Variants in SGCZ observed in about 807,000 individuals in gnomAD.
SGCZ encodes zeta-sarcoglycan.
In SGCZ, 40 loss-of-function variants were observed where a neutral mutation model predicts 41.3. The observed-to-expected ratio is 0.97, with a 90% confidence interval of 0.75 to 1.26. The LOEUF (loss-of-function observed/expected upper bound fraction) is 1.26. Among genes scored for constraint, SGCZ ranks in the 50% most tolerant of loss-of-function variants. The pLI, the probability that SGCZ is intolerant of heterozygous loss-of-function variation, is 0.00. For missense variants in SGCZ, 552 were observed against 369.8 expected (o/e 1.49, Z -4.04); for synonymous variants, 206 against 137.5 (o/e 1.50, Z -3.49).
chr8:14,727,791 A>G (rs571196081), intron 1 of SGCZ, among the ~76,000 whole-genome samples: 2 of 152,018 alleles, frequency 1.3e-5, no homozygotes, highest in African/African-American at 4.8e-5. Context: ...GGCGTGAGCC[A>G]CCGCGCCCAG....
chr8:14,206,505 G>A (rs1716310287), intron 4 of SGCZ, among the ~76,000 whole-genome samples: 1 of 152,046 alleles, frequency 6.6e-6, no homozygotes, highest in Non-Finnish European at 1.5e-5. Flanking sequence ...CTGCCAACAA[G>A]GAGAGTTATA....
rs532094663 is a variant in SGCZ at position 15,096,313 on chromosome 8, C to A, written c.39+141272G>T. On this transcript the variant is annotated intron_variant, in intron 1 of 7. Coordinates refer to ENST00000382080, the MANE Select transcript of SGCZ (RefSeq NM_139167.4). ...ATATTGGCCAGGCTGGTCTTGAACT[C>A]CTGACCTCAAGTGATCCACCTGCCT... 8.6e-5 allele frequency among the ~76,000 whole-genome samples: 13 copies of A among 151,828 alleles called. No individual in the cohort carries two copies. In the South Asian group the frequency reaches 2.5e-3, roughly 29 times the overall value.
chr8:14,488,386 T>A (rs758942707), intron 2 of SGCZ, among the ~76,000 whole-genome samples: 3 of 137,060 alleles, frequency 2.2e-5, no homozygotes, highest in Non-Finnish European at 3.2e-5. Context: ...GAGACCACAA[T>A]GGCCTTAACT....
chr8:14,647,781 G>A (rs1337166001), intron 1 of SGCZ, among the ~76,000 whole-genome samples: 1 of 151,952 alleles, frequency 6.6e-6, no homozygotes, highest in Non-Finnish European at 1.5e-5. Flanking sequence ...TCCTGTGTGG[G>A]CAATGACATC....
At chr8:15,186,968 T>A (rs1800367981) in intron 1 of SGCZ, among the ~76,000 whole-genome samples, 1 of 152,164 alleles carries the variant, frequency 6.6e-6, no homozygotes, top group Admixed American at 6.5e-5. Flanking sequence ...TAATGTCAGT[T>A]GAGAGGAGAC....
At chr8:15,122,729 TA>T (rs995535247) in intron 1 of SGCZ, among the ~76,000 whole-genome samples, 1 of 152,136 alleles carries the variant, frequency 6.6e-6, no homozygotes, top group Non-Finnish European at 1.5e-5. Flanking sequence ...TTTATACTAC[TA>T]AAAAAATCAA....
At chr8:14,669,665 A>G (rs951172782) in intron 1 of SGCZ, among the ~76,000 whole-genome samples, 1 of 150,072 alleles carries the variant, frequency 6.7e-6, no homozygotes, top group African/African-American at 2.5e-5. Flanking sequence ...CTTCTGTCTT[A>G]TGGCTGAATA....
chr8:14,703,272 T>C (rs1268435659), intron 1 of SGCZ, among the ~76,000 whole-genome samples: 2 of 151,940 alleles, frequency 1.3e-5, no homozygotes, highest in Non-Finnish European at 2.9e-5. Context: ...ACCCCTTTGC[T>C]CACTCTTCTT....
chr8:14,469,233 G>T (rs1801141014), intron 2 of SGCZ, among the ~76,000 whole-genome samples: 1 of 152,208 alleles, frequency 6.6e-6, no homozygotes, highest in Non-Finnish European at 1.5e-5. Context: ...TATACAGAAA[G>T]ACAACCTCAG....
At chr8:14,118,881 G>C (rs556929542) in intron 5 of SGCZ, among the ~76,000 whole-genome samples, 1 of 152,280 alleles carries the variant, frequency 6.6e-6, no homozygotes, top group East Asian at 1.9e-4. Context: ...TGGATGTGTG[G>C]TGTTATTTCC....
chr8:14,351,029 A>G (rs73518236), intron 2 of SGCZ, among the ~76,000 whole-genome samples: 2 of 151,996 alleles, frequency 1.3e-5, no homozygotes, highest in Non-Finnish European at 2.9e-5. Context: ...TTGCTGTACA[A>G]CTTGACTGCT....
At chr8:14,339,680 C>T (rs1012898857) in intron 2 of SGCZ, among the ~76,000 whole-genome samples, 1 of 152,072 alleles carries the variant, frequency 6.6e-6, no homozygotes, top group Admixed American at 6.5e-5. Flanking sequence ...AAGTATAGTG[C>T]ATGAACACCA....
At chr8:14,625,933 A>G (rs1585135195) in intron 1 of SGCZ, among the ~76,000 whole-genome samples, 1 of 152,318 alleles carries the variant, frequency 6.6e-6, no homozygotes, top group African/African-American at 2.4e-5. Context: ...GATTACATTA[A>G]TTAATTTACT....
intron 1 of SGCZ, among the ~76,000 whole-genome samples, chr8:15,170,520 C>A (rs956471368): frequency 8.5e-5 from 13 of 152,152 alleles, no homozygotes; most frequent in Non-Finnish European, 8.8e-5. Flanking sequence ...TTTCTCAGTG[C>A]CCCAACTCTA....
At chr8:14,573,295 T>C (rs1804613285) in intron 1 of SGCZ, among the ~76,000 whole-genome samples, 1 of 146,750 alleles carries the variant, frequency 6.8e-6, no homozygotes, top group Admixed American at 7.0e-5. Context: ...CCTCCCGGGT[T>C]CAAGCCGTTC....
intron 1 of SGCZ, among the ~76,000 whole-genome samples, chr8:15,039,832 T>C (rs1804016538): frequency 6.6e-6 from 1 of 152,218 alleles, no homozygotes. Context: ...CATACGTATG[T>C]GTATTGCACG....
intron 2 of SGCZ, among the ~76,000 whole-genome samples, chr8:14,525,776 G>A (rs1231002695): frequency 1.3e-5 from 2 of 152,132 alleles, no homozygotes; most frequent in African/African-American, 2.4e-5. Flanking sequence ...AACTTTAAGA[G>A]AGGTAGCAGG....
At chr8:14,264,540 A>G (rs1161557513) in intron 3 of SGCZ, among the ~76,000 whole-genome samples, 2 of 152,196 alleles carry the variant, frequency 1.3e-5, no homozygotes, top group Non-Finnish European at 2.9e-5. Context: ...ATGGGGCAAC[A>G]CAACACCTGC....
intron 2 of SGCZ, among the ~76,000 whole-genome samples, chr8:14,470,406 G>A (rs572604705): frequency 6.6e-6 from 1 of 152,062 alleles, no homozygotes; most frequent in East Asian, 1.9e-4. Flanking sequence ...ATCTCTATGA[G>A]GTAGATGCTA....
Sources: allele counts gnomAD v4.1 joint callset (sites outside exome capture counted in the v4.1 genomes callset), GRCh38; gene constraint gnomAD v4.1.1; transcripts MANE v1.5; gene names NCBI Gene and HGNC (gene_info 2026-07-23, HGNC 2026-07-21).